The following ST6GALNAC3 variants were observed in gnomAD, a reference collection of about 807,000 sequenced individuals.
ST6GALNAC3 encodes alpha-N-acetylgalactosaminide alpha-2,6-sialyltransferase 3.
In ST6GALNAC3, 25 loss-of-function variants were observed where a neutral mutation model predicts 32.7. The observed-to-expected ratio is 0.76, with a 90% CI of 0.56 to 1.07. The LOEUF is 1.07. ST6GALNAC3 is among the 50% of genes least tolerant of loss of function. The probability of loss-of-function intolerance (pLI) is 0.00; values close to 1 mark genes in which losing one functional copy is unlikely to be tolerated. For missense variants in ST6GALNAC3, 355 were observed against 382.4 expected (o/e 0.93, Z 0.60); for synonymous variants, 129 against 133.1 (o/e 0.97, Z 0.21).
intron 1 of ST6GALNAC3, among the ~76,000 whole-genome samples, chr1:76,076,900 T>C (rs1293168790): frequency 6.6e-6 from 1 of 152,216 alleles, no homozygotes; most frequent in African/African-American, 2.4e-5. Context: ...GACCCAGATA[T>C]GTCAACCTTC....
chr1:76,442,687 T>A (rs1043710757), intron 3 of ST6GALNAC3, among the ~76,000 whole-genome samples: 4 of 152,206 alleles, frequency 2.6e-5, no homozygotes, highest in Admixed American at 6.5e-5. Context: ...GCCTGGCATA[T>A]TAGACTCATA....
intron 1 of ST6GALNAC3, among the ~76,000 whole-genome samples, chr1:76,138,557 C>T (rs551341714): frequency 3.2e-4 from 48 of 152,340 alleles, no homozygotes; most frequent in African/African-American, 1.1e-3. Context: ...ATGCTCTTCC[C>T]AGCACCTCCC....
chr1:76,331,078 G>A (rs1647179217), intron 2 of ST6GALNAC3, among the ~76,000 whole-genome samples: 1 of 152,136 alleles, frequency 6.6e-6, no homozygotes, highest in South Asian at 2.1e-4. Context: ...ACAATATCTA[G>A]CATACTCGTG....
chr1:76,133,245 C>T (rs1649728458), intron 1 of ST6GALNAC3, among the ~76,000 whole-genome samples: 1 of 152,190 alleles, frequency 6.6e-6, no homozygotes, highest in Non-Finnish European at 1.5e-5. Flanking sequence ...AAATTGAGCA[C>T]ATTTCCATGG....
chr1:76,232,231 A>T (rs1557713795), intron 1 of ST6GALNAC3, among the ~76,000 whole-genome samples: 1 of 152,200 alleles, frequency 6.6e-6, no homozygotes, highest in Admixed American at 6.5e-5. Flanking sequence ...CCTATCTATG[A>T]CTGATGTAGT....
chr1:76,621,193 T>C (rs1648623607), intron 3 of ST6GALNAC3, among the ~76,000 whole-genome samples: 1 of 151,964 alleles, frequency 6.6e-6, no homozygotes, highest in Non-Finnish European at 1.5e-5. Flanking sequence ...GAAAAACTAT[T>C]TGTTATATTC....
In ST6GALNAC3 at chr1:76,311,482, C is replaced by T. The variant is rs181410168; in HGVS notation, c.19-2323C>T. Among the ~76,000 whole-genome samples, 269 of 152,186 alleles carry T rather than the reference C, an allele frequency of 1.8e-3. 3 individuals carry two copies. The highest frequency in any genetic ancestry group is 8.3e-3 in the South Asian group (40 of 4,802). On this transcript the variant is annotated intron_variant, in intron 1 of 4. Transcript: ENST00000328299. ...TGTGTGATGTTCCCCTCCCTGTGTC[C>T]ATGTGTTCTCATTGTTCAACTCCCA...
At position 76,630,811 on chromosome 1, in the gene ST6GALNAC3, T is replaced by TAAG. The variant is rs1649259330; in HGVS notation, c.*2006_*2008dup. ...ATGCAATTTTTAATTCTATGAATGT[T>TAAG]AAGTTTTTTTGAGCTAATGATAGAT... On this transcript the variant is annotated 3_prime_UTR_variant, in exon 5 of 5. Transcript: ENST00000328299. 4.1e-6 allele frequency: 4 copies of TAAG among 985,664 alleles called. No homozygotes were observed. Among genetic ancestry groups the TAAG allele is most frequent in the Non-Finnish European group, 4.8e-6 (4 of 829,822 alleles). 61.1% of individuals were successfully genotyped at this position (985,664 alleles called of 1,614,324 possible).
intron 3 of ST6GALNAC3, among the ~76,000 whole-genome samples, chr1:76,537,999 C>T (rs1181303056): frequency 3.3e-5 from 5 of 152,130 alleles, no homozygotes; most frequent in Non-Finnish European, 7.4e-5. Context: ...AAAGGAGGGA[C>T]TCCTCCCTAA....
intron 1 of ST6GALNAC3, among the ~76,000 whole-genome samples, chr1:76,151,016 T>C (rs1014683675): frequency 5.9e-5 from 9 of 152,182 alleles, no homozygotes; most frequent in African/African-American, 2.2e-4. Context: ...ATCAGCCAAG[T>C]CTTCCACTCA....
chr1:76,490,511 AGT>A (rs1407366269), intron 3 of ST6GALNAC3, among the ~76,000 whole-genome samples: 1 of 149,986 alleles, frequency 6.7e-6, no homozygotes, highest in African/African-American at 2.4e-5. Context: ...TTGTATAGAT[AGT>A]GTGTGTGTTT....
intron 2 of ST6GALNAC3, among the ~76,000 whole-genome samples, chr1:76,375,748 A>G (rs1196127694): frequency 1.3e-5 from 2 of 152,188 alleles, no homozygotes; most frequent in Admixed American, 6.5e-5. Context: ...GTTCGATCAT[A>G]TTTTTCTGAG....
chr1:76,583,219 T>G (rs1646916221), intron 3 of ST6GALNAC3, among the ~76,000 whole-genome samples: 1 of 152,144 alleles, frequency 6.6e-6, no homozygotes, highest in Admixed American at 6.5e-5. Context: ...TTCAGCAATG[T>G]TTGTTATGTA....
At chr1:76,479,175 G>A (rs778377768) in intron 3 of ST6GALNAC3, among the ~76,000 whole-genome samples, 6 of 152,110 alleles carry the variant, frequency 3.9e-5, no homozygotes, top group East Asian at 1.9e-4. Context: ...AGGCTATTTT[G>A]AACTACATGT....
At chr1:76,266,334 G>A (rs911516448) in intron 1 of ST6GALNAC3, among the ~76,000 whole-genome samples, 7 of 152,160 alleles carry the variant, frequency 4.6e-5, no homozygotes, top group African/African-American at 1.7e-4. Context: ...AAGTAGGTCT[G>A]TAGATACTTC....
chr1:76,321,484 C>G (rs1014822620), intron 2 of ST6GALNAC3, among the ~76,000 whole-genome samples: 1 of 152,008 alleles, frequency 6.6e-6, no homozygotes, highest in Admixed American at 6.6e-5. Context: ...TGTTTTTGTC[C>G]CTTGCAACCA....
chr1:76,596,364 T>C (rs1186075853), intron 3 of ST6GALNAC3, among the ~76,000 whole-genome samples: 1 of 152,168 alleles, frequency 6.6e-6, no homozygotes, highest in African/African-American at 2.4e-5. Context: ...TTATGTGAAA[T>C]AGCCTCAGCT....
Position 76,629,780 on chromosome 1 carries a change from A to C in ST6GALNAC3, c.*974A>C. On this transcript the variant is annotated 3_prime_UTR_variant, in exon 5 of 5. Coordinates refer to ENST00000328299, the MANE Select transcript of ST6GALNAC3 (RefSeq NM_152996.4). ...TTTTTACATCAATTTGTATCCTATC[A>C]TACTTCATAATATATATTTGTATAT... The C allele has an allele frequency of 3.1e-6, 3 of 970,946 alleles. No homozygotes were observed. Among genetic ancestry groups the C allele is most frequent in the Non-Finnish European group, 3.7e-6 (3 of 816,534 alleles). The allele number at this position is 970,946 out of a possible 1,614,324, so 60.1% of individuals were successfully genotyped here. A position where few individuals can be genotyped will look rare whatever the true frequency, so the allele number is the denominator to read the frequency against.
intron 3 of ST6GALNAC3, among the ~76,000 whole-genome samples, chr1:76,449,823 T>A (rs561069228): frequency 8.5e-5 from 13 of 152,328 alleles, no homozygotes; most frequent in Non-Finnish European, 1.8e-4. Context: ...ATTTATTTGT[T>A]TTGATTTCAA....
Sources: gnomAD v4.1 joint callset for allele counts (sites outside exome capture counted in the v4.1 genomes callset) on GRCh38, gnomAD v4.1.1 for gene constraint, MANE v1.5 for transcripts, NCBI Gene and HGNC (gene_info 2026-07-23, HGNC 2026-07-21) for gene names.